ARID5B: variants seen among roughly 807,000 people sequenced by gnomAD.
The protein encoded by ARID5B is AT-rich interaction domain 5B.
Under a neutral mutation model 97.2 loss-of-function variants are expected in ARID5B, and 13 were observed. That is an observed-to-expected ratio of 0.13 (90% CI 0.09 to 0.21). ARID5B has a LOEUF of 0.21. Among genes scored for constraint, ARID5B ranks in the 10% least tolerant of loss-of-function variants. The pLI, the probability that ARID5B is intolerant of heterozygous loss-of-function variation, is 1.00. For missense variants in ARID5B, 1,210 were observed against 1,465.3 expected, an observed-to-expected ratio of 0.83 and a Z score of 2.84; for synonymous variants, 556 against 570.3, an observed-to-expected ratio of 0.97 and a Z score of 0.36.
chr10:62,022,058 G>A (rs1409808466), intron 4 of ARID5B, among the ~76,000 whole-genome samples: 3 of 152,118 alleles, frequency 2.0e-5, no homozygotes, highest in African/African-American at 7.2e-5. Flanking sequence ...CCCTGGCACT[G>A]TCCCCCTGTC....
At chr10:61,969,757 T>TA (rs1398987502) in intron 3 of ARID5B, among the ~76,000 whole-genome samples, 4 of 152,220 alleles carry the variant, frequency 2.6e-5, no homozygotes, top group Non-Finnish European at 5.9e-5. Flanking sequence ...ACAATCAGAA[T>TA]AAATTGGCAT....
At chr10:61,926,486 A>C (rs564581095) in intron 2 of ARID5B, among the ~76,000 whole-genome samples, 100 of 152,324 alleles carry the variant, frequency 6.6e-4, no homozygotes, top group African/African-American at 2.3e-3. Context: ...TGTCTATTAA[A>C]TTCGTAGACT....
intron 2 of ARID5B, among the ~76,000 whole-genome samples, chr10:61,921,225 CACTT>C (rs1488338214): frequency 6.6e-6 from 1 of 152,200 alleles, no homozygotes; most frequent in Non-Finnish European, 1.5e-5. Flanking sequence ...GTTAAAACAA[CACTT>C]ACTATCCACA....
chr10:61,919,038 C>T (rs1300546594), intron 2 of ARID5B, among the ~76,000 whole-genome samples: 3 of 4,948 alleles, frequency 6.1e-4, no homozygotes, highest in African/African-American at 8.0e-4. Flanking sequence ...TGACTCCGTC[C>T]CCCCCCCCCC....
intron 3 of ARID5B, among the ~76,000 whole-genome samples, chr10:61,963,750 G>A (rs1838506252): frequency 6.6e-6 from 1 of 152,018 alleles, no homozygotes; most frequent in South Asian, 2.1e-4. Context: ...CTGATTTCAG[G>A]AGACTTCGGT....
At chr10:61,954,627 G>A (rs561759846) in intron 3 of ARID5B, among the ~76,000 whole-genome samples, 1 of 152,114 alleles carries the variant, frequency 6.6e-6, no homozygotes, top group East Asian at 1.9e-4. Context: ...GTGGTTTATT[G>A]GATGTGCATG....
At position 62,092,640 on chromosome 10, in the gene ARID5B, T is replaced by A; in HGVS notation, c.3177T>A (p.Gly1059=). 1 of 1,614,114 alleles carries A rather than the reference T, an allele frequency of 6.2e-7. No individual in the cohort carries two copies. Among genetic ancestry groups the A allele is most frequent in the Non-Finnish European group, 8.5e-7 (1 of 1,180,008 alleles). Residue 1059 remains glycine, a synonymous_variant, in exon 10 of 10, where the codon GGT becomes GGA. Coordinates refer to ENST00000279873, the MANE Select transcript of ARID5B (RefSeq NM_032199.3). The part of the protein sequence containing the change: ...QESEGSKAAH[G]GHSGGGSEGH... ...GTGAAGGCAGCAAAGCAGCGCACGG[T>A]GGGCATTCCGGGGGCGGATCAGAAG...
intron 2 of ARID5B, among the ~76,000 whole-genome samples, chr10:61,918,367 T>C (rs1843947260): frequency 6.6e-6 from 1 of 152,222 alleles, no homozygotes; most frequent in Non-Finnish European, 1.5e-5. Context: ...GGGCTAAGAA[T>C]GTCAAGTGAG....
chr10:61,952,636 G>T (rs1321796048), intron 3 of ARID5B, among the ~76,000 whole-genome samples: 2 of 152,150 alleles, frequency 1.3e-5, no homozygotes, highest in African/African-American at 4.8e-5. Flanking sequence ...AGTTCTTTTA[G>T]AGCACTTCCT....
intron 4 of ARID5B, among the ~76,000 whole-genome samples, chr10:62,014,311 T>C (rs1839256024): frequency 6.6e-6 from 1 of 152,126 alleles, no homozygotes; most frequent in African/African-American, 2.4e-5. Flanking sequence ...GCAGTGGTAA[T>C]GGAGAATGGA....
intron 7 of ARID5B, among the ~76,000 whole-genome samples, chr10:62,066,143 C>A (rs1839985606): frequency 6.6e-6 from 1 of 152,192 alleles, no homozygotes; most frequent in Non-Finnish European, 1.5e-5. Flanking sequence ...CATAATTAGG[C>A]ACAATTAAAG....
At chr10:61,965,716 A>T (rs1838536072) in intron 3 of ARID5B, among the ~76,000 whole-genome samples, 2 of 152,228 alleles carry the variant, frequency 1.3e-5, no homozygotes. Context: ...AAAGAATGTC[A>T]GTAGAACACT....
At chr10:61,918,898 G>A (rs545516829) in intron 2 of ARID5B, among the ~76,000 whole-genome samples, 1 of 152,108 alleles carries the variant, frequency 6.6e-6, no homozygotes, top group Non-Finnish European at 1.5e-5. Flanking sequence ...ACTGGGTGTG[G>A]TGGCATGCAC....
At chr10:61,908,677 GTAGT>G (rs1843744900) in intron 2 of ARID5B, among the ~76,000 whole-genome samples, 1 of 151,818 alleles carries the variant, frequency 6.6e-6, no homozygotes, top group African/African-American at 2.4e-5. Context: ...GTGGGCACCT[GTAGT>G]CCCAGCTACT....
chr10:62,069,915 C>T (rs1183802501), intron 8 of ARID5B, 118 bp downstream of exon 8: 4 of 991,032 alleles, frequency 4.0e-6, no homozygotes, highest in Non-Finnish European at 5.9e-6. Flanking sequence ...AAATTTCCCT[C>T]TGGCATTTTA....
At chr10:62,059,869 C>T (rs989639496) in intron 7 of ARID5B, among the ~76,000 whole-genome samples, 1 of 152,088 alleles carries the variant, frequency 6.6e-6, no homozygotes, top group African/African-American at 2.4e-5. Flanking sequence ...TTTTAGCCCA[C>T]AGGAAAATTT....
intron 3 of ARID5B, among the ~76,000 whole-genome samples, chr10:61,976,977 T>C (rs1243346148): frequency 6.6e-6 from 1 of 152,122 alleles, no homozygotes; most frequent in Non-Finnish European, 1.5e-5. Flanking sequence ...ATCATTTACA[T>C]TAGGTGTATC....
chr10:61,986,348 G>A (rs944773420), intron 3 of ARID5B, among the ~76,000 whole-genome samples: 1 of 152,154 alleles, frequency 6.6e-6, no homozygotes, highest in Admixed American at 6.5e-5. Flanking sequence ...ATTTGGGAGT[G>A]TTATACAGAT....
At chr10:61,949,169 AGTCT>A (rs1223649029) in intron 3 of ARID5B, among the ~76,000 whole-genome samples, 15 of 152,224 alleles carry the variant, frequency 9.9e-5, no homozygotes, top group South Asian at 8.3e-4. Context: ...GGTGTCTGAG[AGTCT>A]GTTTAAGCTA....
Sources: gnomAD v4.1 joint callset for allele counts (sites outside exome capture counted in the v4.1 genomes callset) on GRCh38, gnomAD v4.1.1 for gene constraint, MANE v1.5 for transcripts, NCBI Gene and HGNC (gene_info 2026-07-23, HGNC 2026-07-21) for gene names.